SLC35F3: variants seen among roughly 807,000 people sequenced by gnomAD.
The protein encoded by SLC35F3 is putative thiamine transporter SLC35F3.
SLC35F3 carries 25 observed loss-of-function variants against 49.9 expected under a neutral mutation model. That is an observed-to-expected ratio of 0.50 (90% CI 0.37 to 0.70). The LOEUF (loss-of-function observed/expected upper bound fraction) is 0.70, where lower values mean the gene tolerates loss of function less well. Among genes scored for constraint, SLC35F3 ranks in the 30% least tolerant of loss-of-function variants. SLC35F3 has a pLI of 0.00. For synonymous variants in SLC35F3, 275 were observed against 265.4 expected, an observed-to-expected ratio of 1.04 and a Z score of -0.35; for missense variants, 525 against 639.8, an observed-to-expected ratio of 0.82 and a Z score of 1.94.
intron 3 of SLC35F3, among the ~76,000 whole-genome samples, chr1:234,296,077 G>A (rs73095817): frequency 0.025 from 3,758 of 152,276 alleles, 130 homozygotes; most frequent in African/African-American, 0.085. Context: ...ATAGAAGTGA[G>A]AGCCCAGCAG....
chr1:234,310,257 C>A (rs754171173), intron 4 of SLC35F3, among the ~76,000 whole-genome samples: 2 of 152,108 alleles, frequency 1.3e-5, no homozygotes, highest in Admixed American at 1.3e-4. Context: ...AGCTAAGAGC[C>A]GGTTTGAGGG....
intron 2 of SLC35F3, among the ~76,000 whole-genome samples, chr1:233,995,997 T>C (rs1238979213): frequency 1.3e-5 from 2 of 152,192 alleles, no homozygotes; most frequent in East Asian, 1.9e-4. Flanking sequence ...GACTTATCAA[T>C]TGAACAAAAT....
At chr1:234,152,630 A>G (rs1321100704) in intron 2 of SLC35F3, among the ~76,000 whole-genome samples, 2 of 152,098 alleles carry the variant, frequency 1.3e-5, no homozygotes, top group East Asian at 3.9e-4. Context: ...TCTATCATTG[A>G]TGGGCATTTG....
intron 2 of SLC35F3, among the ~76,000 whole-genome samples, chr1:233,960,867 G>T (rs916161041): frequency 3.3e-5 from 5 of 151,968 alleles, no homozygotes; most frequent in Non-Finnish European, 7.4e-5. Context: ...CATTAGCTGA[G>T]AGCATCAGCT....
chr1:234,101,154 G>A (rs1665208070), intron 2 of SLC35F3, among the ~76,000 whole-genome samples: 1 of 151,954 alleles, frequency 6.6e-6, no homozygotes, highest in African/African-American at 2.4e-5. Context: ...GTGACCCTGT[G>A]CCACAAAAGC....
At chr1:234,258,305 A>G (rs181298986) in intron 3 of SLC35F3, among the ~76,000 whole-genome samples, 1 of 152,324 alleles carries the variant, frequency 6.6e-6, no homozygotes, top group African/African-American at 2.4e-5. Context: ...GTTCCTCAAT[A>G]TGAGTCACAG....
At chr1:234,108,414 ATAT>A (rs1294272152) in intron 2 of SLC35F3, among the ~76,000 whole-genome samples, 2 of 118,394 alleles carry the variant, frequency 1.7e-5, no homozygotes, top group African/African-American at 3.4e-5. Context: ...TATATGATAT[ATAT>A]TATTTATATA....
Position 234,117,910 on chromosome 1 carries a change from ATATGTGTGTGTGTGTG to A in SLC35F3, c.284-113505_284-113490del, listed in dbSNP as rs1264266309. Among the ~76,000 whole-genome samples the A allele has an allele frequency of 5.5e-4, 44 of 79,654 alleles. 1 individual carries two copies. The highest frequency in any genetic ancestry group is 2.1e-3 in the Admixed American group (11 of 5,204). 52.3% of individuals were successfully genotyped at this position (79,654 alleles called of 152,430 possible). On this transcript the variant is annotated intron_variant, in intron 2 of 7. Coordinates refer to ENST00000366618, the MANE Select transcript of SLC35F3 (RefSeq NM_173508.4). ...CAAAAAAGAAAAAAAAAAAGACTATATATGTGTGTGTGTGTGTGTGTGTGTGTGTGTGTGTGTGTGT... is the reference window on the plus strand; with the variant it reads ...CAAAAAAGAAAAAAAAAAAGACTATATGTGTGTGTGTGTGTGTGTGTGTGT...
rs1665345195 is a variant in SLC35F3 at position 234,108,725 on chromosome 1, AAATATATATATC to A, written c.284-122691_284-122680del. Among the ~76,000 whole-genome samples, 3 of 72,250 alleles carry A rather than the reference AAATATATATATC, an allele frequency of 4.2e-5. 1 individual carries two copies. The Admixed American group carries it at 6.1e-4, about 15-fold the overall frequency. 47.4% of individuals were successfully genotyped at this position (72,250 alleles called of 152,430 possible). Reference sequence around the variant, plus strand: ...TATTATATATATAAAAGATATATATAAATATATATATCTTTTATATATAAAAGATATATATAA... The same window carrying A: ...TATTATATATATAAAAGATATATATATTTTATATATAAAAGATATATATAA... On this transcript the variant is annotated intron_variant, in intron 2 of 7. Coordinates refer to ENST00000366618, the MANE Select transcript of SLC35F3 (RefSeq NM_173508.4).
At chr1:234,020,841 G>C (rs1463249004) in intron 2 of SLC35F3, among the ~76,000 whole-genome samples, 2 of 152,114 alleles carry the variant, frequency 1.3e-5, no homozygotes, top group African/African-American at 4.8e-5. Context: ...TCCTAGGCTT[G>C]TCCTTACACT....
chr1:234,071,637 A>G (rs934640417), intron 2 of SLC35F3, among the ~76,000 whole-genome samples: 3 of 152,238 alleles, frequency 2.0e-5, no homozygotes, highest in Non-Finnish European at 4.4e-5. Context: ...TTTAATGAAC[A>G]TTCCATGTTA....
intron 2 of SLC35F3, among the ~76,000 whole-genome samples, chr1:234,094,641 A>T (rs1435118168): frequency 1.3e-5 from 2 of 152,230 alleles, no homozygotes; most frequent in Non-Finnish European, 2.9e-5. Context: ...CCCAGGAATG[A>T]AGGCCTCTGA....
chr1:234,221,844 G>T (rs1303384418), intron 2 of SLC35F3, among the ~76,000 whole-genome samples: 1 of 152,136 alleles, frequency 6.6e-6, no homozygotes, highest in Admixed American at 6.5e-5. Context: ...AAAGAAAGAG[G>T]ATTATAATAG....
At chr1:234,062,643 T>C (rs542530792) in intron 2 of SLC35F3, among the ~76,000 whole-genome samples, 1 of 152,110 alleles carries the variant, frequency 6.6e-6, no homozygotes, top group Non-Finnish European at 1.5e-5. Context: ...AATTAAGAGA[T>C]TTCTGTTTTC....
rs79970879 is a variant in SLC35F3 at position 233,935,145 on chromosome 1, A to G, written c.283+29387A>G. Among the ~76,000 whole-genome samples, 632 of 96,412 alleles carry G rather than the reference A, an allele frequency of 6.6e-3. 5 individuals carry two copies. Among genetic ancestry groups the G allele is most frequent in the African/African-American group, 0.024 (597 of 24,936 alleles). 63.3% of individuals were successfully genotyped at this position (96,412 alleles called of 152,430 possible). ...CCAGGTTGTCTCTGCATCTGGTTCT[A>G]TTGATGGCTTTATTTCTTCACAATG... On this transcript the variant is annotated intron_variant, in intron 2 of 7. Coordinates refer to ENST00000366618, the MANE Select transcript of SLC35F3 (RefSeq NM_173508.4).
chr1:234,027,672 A>AT lies in SLC35F3; in HGVS notation c.283+121915dup, dbSNP rs1010946821. ...GAATGATAGTGAGAAAATAAAATTG[A>AT]TAAAAATTGGTGACCAGTTGTTTGG... On this transcript the variant is annotated intron_variant, in intron 2 of 7. Coordinates refer to ENST00000366618, the MANE Select transcript of SLC35F3 (RefSeq NM_173508.4). The surrounding 1 kb of genome is among the most constrained non-coding windows in gnomAD (Gnocchi z 4.1). 2.3e-4 allele frequency among the ~76,000 whole-genome samples: 35 copies of AT among 152,286 alleles called. No homozygotes were observed. The highest frequency in any genetic ancestry group is 8.2e-4 in the African/African-American group (34 of 41,548).
At position 234,156,424 on chromosome 1, in the gene SLC35F3, G is replaced by A. The variant is rs78785907; in HGVS notation, c.284-74993G>A. Among the ~76,000 whole-genome samples, 1,101 of 152,280 alleles carry A rather than the reference G, an allele frequency of 7.2e-3. 19 individuals are homozygous for A. Among genetic ancestry groups the A allele is most frequent in the African/African-American group, 0.025 (1,043 of 41,546 alleles). On this transcript the variant is annotated intron_variant, in intron 2 of 7. Transcript: ENST00000366618. ...ACCCAAAAGCGATCATCGAGTATGC[G>A]ATATGGTGCACAAAAACGTTCAGGA... is the stretch of plus-strand genomic sequence containing the variant.
chr1:234,047,767 T>C (rs139111509), intron 2 of SLC35F3, among the ~76,000 whole-genome samples: 111 of 151,982 alleles, frequency 7.3e-4, no homozygotes, highest in African/African-American at 2.5e-3. Flanking sequence ...GGAGATGGGG[T>C]GGTTGAAGGA....
At position 234,217,395 on chromosome 1, in the gene SLC35F3, A is replaced by G. The variant is rs1572099460; in HGVS notation, c.284-14022A>G. On this transcript the variant is annotated intron_variant, in intron 2 of 7. Transcript: ENST00000366618. ...GGAACAATTCTAGCTTCATTCTCTT[A>G]AGGACGTTTTAGTCTAGAGGGGAAG... Among the ~76,000 whole-genome samples, 6 of 152,374 alleles carry G rather than the reference A, an allele frequency of 3.9e-5. No individual in the cohort carries two copies. In the South Asian group the frequency reaches 1.2e-3, roughly 32 times the overall value.
Sources: allele counts gnomAD v4.1 joint callset (sites outside exome capture counted in the v4.1 genomes callset), GRCh38; gene constraint gnomAD v4.1.1; non-coding constraint Gnocchi (gnomAD v3.1); transcripts MANE v1.5; gene names NCBI Gene and HGNC (gene_info 2026-07-23, HGNC 2026-07-21).